TNS3: variants seen among roughly 807,000 people sequenced by gnomAD.
TNS3 encodes the protein tensin 3.
TNS3 carries 45 observed loss-of-function variants against 140.9 expected under a neutral mutation model. That is an observed-to-expected ratio of 0.32 (90% CI 0.25 to 0.41). TNS3 has a LOEUF of 0.41. Among genes scored for constraint, TNS3 ranks in the 10% least tolerant of loss-of-function variants. The pLI is 1.00. For synonymous variants in TNS3, 815 were observed against 788.4 expected (o/e 1.03, Z -0.56); for missense variants, 1,716 against 1,906.7 (o/e 0.90, Z 1.86).
Position 47,293,031 on chromosome 7 carries a change from GTTAGA to G in TNS3, c.3773-131_3773-127del, listed in dbSNP as rs1213456537. The G allele has an allele frequency of 5.6e-6, 4 of 718,238 alleles. No individual in the cohort carries two copies. In the African/African-American group the frequency reaches 7.1e-5, roughly 13 times the overall value. 44.5% of individuals were successfully genotyped at this position (718,238 alleles called of 1,614,324 possible). On this transcript the variant is annotated intron_variant, in intron 25 of 30. Transcript: ENST00000311160. Reference sequence around the variant, plus strand: ...CCCTTATCTTTTTAGCAACTGGTATGTTAGATTAGTGTGCAGCTTTGTGTAAAACT... The same window carrying G: ...CCCTTATCTTTTTAGCAACTGGTATGTTAGTGTGCAGCTTTGTGTAAAACT...
intron 23 of TNS3, among the ~76,000 whole-genome samples, chr7:47,297,519 A>G (rs1786110477): frequency 6.6e-6 from 1 of 152,176 alleles, no homozygotes. Context: ...TGGGCTGCCC[A>G]TGGAAGAACA....
At chr7:47,335,140 G>A (rs1280511751) in intron 20 of TNS3, among the ~76,000 whole-genome samples, 1 of 152,206 alleles carries the variant, frequency 6.6e-6, no homozygotes, top group Non-Finnish European at 1.5e-5. Context: ...GCTCCCATGT[G>A]GAATTTCTGA....
chr7:47,376,322 G>A (rs1458177641), intron 16 of TNS3, among the ~76,000 whole-genome samples: 3 of 152,214 alleles, frequency 2.0e-5, no homozygotes, highest in Non-Finnish European at 2.9e-5. Flanking sequence ...CACTGATGCT[G>A]AAGCAGCCAC....
intron 21 of TNS3, among the ~76,000 whole-genome samples, chr7:47,303,860 T>C (rs1786580000): frequency 6.6e-6 from 1 of 152,210 alleles, no homozygotes; most frequent in South Asian, 2.1e-4. Flanking sequence ...GCGCAGATGC[T>C]GCTCCCTCGG....
At chr7:47,435,523 G>A in intron 7 of TNS3, 119 bp from the exon 8 acceptor site, 3 of 1,441,440 alleles carry the variant, frequency 2.1e-6, no homozygotes, top group Non-Finnish European at 2.9e-6. Context: ...CATGCTGGGT[G>A]ACCCTTTCCT....
chr7:47,423,012 C>A lies in TNS3; in HGVS notation c.473+1089G>T, dbSNP rs537636621. ...CACCCTAGCCCATGTTCCTCCAACA[C>A]ACCCGGTTTCAAGAGAAACAGAGCC... On this transcript the variant is annotated intron_variant, in intron 10 of 30. Transcript: ENST00000311160. Among the ~76,000 whole-genome samples the A allele has an allele frequency of 3.3e-5, 5 of 152,298 alleles. No individual in the cohort carries two copies. The South Asian group carries it at 1.0e-3, about 32-fold the overall frequency.
chr7:47,427,074 C>T (rs1309055944), intron 9 of TNS3, among the ~76,000 whole-genome samples: 1 of 133,872 alleles, frequency 7.5e-6, no homozygotes, highest in Non-Finnish European at 1.5e-5. Context: ...GGCAGTAAGC[C>T]AAGATTGCAC....
intron 1 of TNS3, among the ~76,000 whole-genome samples, chr7:47,543,568 C>G (rs1419005896): frequency 1.3e-5 from 2 of 152,188 alleles, no homozygotes; most frequent in African/African-American, 4.8e-5. Flanking sequence ...AGTGCCTGAC[C>G]CTCAAGATGG....
intron 10 of TNS3, among the ~76,000 whole-genome samples, chr7:47,422,671 A>G (rs1284767582): frequency 1.3e-5 from 2 of 151,966 alleles, no homozygotes; most frequent in East Asian, 3.9e-4. Context: ...CTTTTTCCAT[A>G]TTCTTTTAAT....
intron 20 of TNS3, among the ~76,000 whole-genome samples, chr7:47,329,126 A>G (rs1447590712): frequency 1.3e-5 from 2 of 152,150 alleles, no homozygotes; most frequent in African/African-American, 4.8e-5. Flanking sequence ...ACTATAACCC[A>G]GTCCACATGG....
chr7:47,383,486 G>T (rs111793404), intron 16 of TNS3, among the ~76,000 whole-genome samples: 3,296 of 152,262 alleles, frequency 0.022, 116 homozygotes, highest in African/African-American at 0.074. Flanking sequence ...CCACAACCTT[G>T]TGAACGTACT....
chr7:47,557,007 C>T (rs1278040528), intron 1 of TNS3: 4 of 456,240 alleles, frequency 8.8e-6, no homozygotes, highest in South Asian at 1.5e-5. Flanking sequence ...TAACCAGGAG[C>T]AGCGGGGGCG....
chr7:47,576,880 A>G (rs1334805373), intron 1 of TNS3, among the ~76,000 whole-genome samples: 1 of 152,262 alleles, frequency 6.6e-6, no homozygotes, highest in Non-Finnish European at 1.5e-5. Context: ...GCTCTCCTGT[A>G]AAAAGAAAAG....
At chr7:47,519,265 A>C (rs1798884150) in intron 2 of TNS3, among the ~76,000 whole-genome samples, 1 of 133,260 alleles carries the variant, frequency 7.5e-6, no homozygotes. Context: ...CCCCCCCAAC[A>C]CAAGGCACGG....
chr7:47,340,155 A>G (rs1165466734), intron 20 of TNS3, among the ~76,000 whole-genome samples: 2 of 104,412 alleles, frequency 1.9e-5, no homozygotes, highest in African/African-American at 7.6e-5. Context: ...GACGGAGTCT[A>G]GCTCGTCGCC....
chr7:47,570,722 C>T (rs1393409466), intron 1 of TNS3, among the ~76,000 whole-genome samples: 2 of 152,224 alleles, frequency 1.3e-5, no homozygotes, highest in South Asian at 2.1e-4. Flanking sequence ...CAGCCCCTGG[C>T]TGTCCAGAGG....
intron 17 of TNS3, among the ~76,000 whole-genome samples, chr7:47,366,701 G>A (rs1190621066): frequency 6.6e-6 from 1 of 152,198 alleles, no homozygotes; most frequent in African/African-American, 2.4e-5. Flanking sequence ...TCAGGGCACT[G>A]ACTTTTGCTC....
In TNS3 at chr7:47,277,208, G is replaced by C. The variant is rs1334229547; in HGVS notation, c.*868C>G. 8 of 152,278 alleles carry C rather than the reference G, an allele frequency of 5.3e-5. No individual in the cohort carries two copies. 9.4% of individuals were successfully genotyped at this position (152,278 alleles called of 1,614,324 possible). ...GACAAGCCTCACAAAATCACAGCTT[G>C]GCAGGCTGCAGCATTTGACACTGGT... On this transcript the variant is annotated 3_prime_UTR_variant, in exon 31 of 31. Transcript: ENST00000311160.
At chr7:47,508,974 A>G (rs188818187) in intron 2 of TNS3, among the ~76,000 whole-genome samples, 51 of 152,316 alleles carry the variant, frequency 3.3e-4, no homozygotes, top group Admixed American at 3.1e-3. Context: ...CAGCCTCTCC[A>G]GAGACCCTGA....
Sources: gnomAD v4.1 joint callset for allele counts (sites outside exome capture counted in the v4.1 genomes callset) on GRCh38, gnomAD v4.1.1 for gene constraint, MANE v1.5 for transcripts, NCBI Gene and HGNC (gene_info 2026-07-23, HGNC 2026-07-21) for gene names.